EPC2: variants seen among roughly 807,000 people sequenced by gnomAD.
EPC2 encodes the protein enhancer of polycomb 2, also known as enhancer of polycomb homolog 2.
In EPC2, 14 loss-of-function variants were observed where a neutral mutation model predicts 92.1. That is an observed-to-expected ratio of 0.15 (90% CI 0.10 to 0.24). The LOEUF is 0.24. Among genes scored for constraint, EPC2 ranks in the 10% least tolerant of loss-of-function variants. The pLI is 1.00. For missense variants in EPC2, 755 were observed against 971.5 expected, an observed-to-expected ratio of 0.78 and a Z score of 2.96; for synonymous variants, 340 against 334.7, an observed-to-expected ratio of 1.02 and a Z score of -0.17.
chr2:148,725,551 A>G (rs1321732911), intron 2 of EPC2, among the ~76,000 whole-genome samples: 1 of 152,152 alleles, frequency 6.6e-6, no homozygotes, highest in African/African-American at 2.4e-5. Flanking sequence ...TCATTGATAC[A>G]ATACAGTAAT....
chr2:148,689,390 G>A (rs958159540), intron 1 of EPC2, among the ~76,000 whole-genome samples: 12 of 152,094 alleles, frequency 7.9e-5, no homozygotes, highest in African/African-American at 2.7e-4. Context: ...GTGTTAGCCA[G>A]GATGGTTTCG....
rs1253448077 is a variant in EPC2, at chr2:148,765,226, G to C, written c.1140+80G>C. 13 of 1,048,926 alleles carry C rather than the reference G, an allele frequency of 1.2e-5. No individual in the cohort carries two copies. The Admixed American group carries it at 3.5e-4, about 29-fold the overall frequency. The allele number at this position is 1,048,926 out of a possible 1,614,324, so 65.0% of individuals were successfully genotyped here. A position where few individuals can be genotyped will look rare whatever the true frequency, so the allele number is the denominator to read the frequency against. On this transcript the variant is annotated intron_variant, in intron 7 of 13. Coordinates refer to ENST00000258484, the MANE Select transcript of EPC2 (RefSeq NM_015630.4). ...TATTTTTAAAACAATTGCTATCTTAGAGTTTTTATTCTTGCTTTGTTCCCC... is the reference window on the plus strand; with the variant it reads ...TATTTTTAAAACAATTGCTATCTTACAGTTTTTATTCTTGCTTTGTTCCCC...
chr2:148,720,598 C>G (rs971745165), intron 2 of EPC2, among the ~76,000 whole-genome samples: 1 of 152,184 alleles, frequency 6.6e-6, no homozygotes, highest in South Asian at 2.1e-4. Flanking sequence ...CACGCAGCTC[C>G]GTGTGTTGGC....
intron 1 of EPC2, among the ~76,000 whole-genome samples, chr2:148,681,132 T>C (rs1279765223): frequency 6.6e-6 from 1 of 152,224 alleles, no homozygotes; most frequent in Non-Finnish European, 1.5e-5. Flanking sequence ...ACAGACACAT[T>C]GTCTTGCCCC....
chr2:148,720,080 C>G (rs1379327965), intron 2 of EPC2, among the ~76,000 whole-genome samples: 1 of 152,140 alleles, frequency 6.6e-6, no homozygotes, highest in Non-Finnish European at 1.5e-5. Context: ...CCTCCCCTCT[C>G]CTGGACACTT....
intron 4 of EPC2, among the ~76,000 whole-genome samples, chr2:148,756,164 A>T (rs1683186176): frequency 6.6e-6 from 1 of 152,156 alleles, no homozygotes; most frequent in African/African-American, 2.4e-5. Context: ...TGTGATCACT[A>T]ATACAGGTTT....
At chr2:148,784,182 CT>C (rs1683814075) in intron 12 of EPC2, among the ~76,000 whole-genome samples, 1 of 152,244 alleles carries the variant, frequency 6.6e-6, no homozygotes, top group Admixed American at 6.5e-5. Context: ...GGCTCCCGCT[CT>C]TTAGATAGAG....
chr2:148,691,747 G>A (rs1365678735), intron 2 of EPC2: 1 of 955,006 alleles, frequency 1.0e-6, no homozygotes, highest in Admixed American at 2.0e-5. Flanking sequence ...TCAGTTCTCA[G>A]GAAGATTTTT....
intron 2 of EPC2, among the ~76,000 whole-genome samples, chr2:148,742,387 A>G (rs868158677): frequency 5.9e-5 from 9 of 152,104 alleles, no homozygotes; most frequent in South Asian, 2.1e-4. Flanking sequence ...AGTGAAACCT[A>G]TTGTCTTATT....
intron 10 of EPC2, among the ~76,000 whole-genome samples, chr2:148,776,856 C>CTCTCTCTTTTTTTTTTTTTT (rs1247135854): frequency 9.9e-6 from 1 of 101,042 alleles, no homozygotes; most frequent in African/African-American, 3.7e-5. Flanking sequence ...GTCTCTCTCT[C>CTCTCTCTTTTTTTTTTTTTT]TTTTTTTTTT....
At chr2:148,745,540 C>G (rs1682970634) in intron 3 of EPC2, among the ~76,000 whole-genome samples, 1 of 152,050 alleles carries the variant, frequency 6.6e-6, no homozygotes, top group Admixed American at 6.6e-5. Flanking sequence ...TCAGCCCCAT[C>G]CTATTTTAGT....
chr2:148,659,239 T>C (rs1680886171), intron 1 of EPC2, among the ~76,000 whole-genome samples: 1 of 152,160 alleles, frequency 6.6e-6, no homozygotes, highest in Admixed American at 6.6e-5. Context: ...GGGTTTGTTT[T>C]GTTTTGTTAC....
intron 2 of EPC2, among the ~76,000 whole-genome samples, chr2:148,698,865 G>GT (rs1333094015): frequency 6.9e-6 from 1 of 145,276 alleles, no homozygotes; most frequent in Admixed American, 6.9e-5. Context: ...TATACTCTGT[G>GT]TATGTGTGTA....
chr2:148,654,620 T>G (rs1433361586), intron 1 of EPC2, among the ~76,000 whole-genome samples: 1 of 152,182 alleles, frequency 6.6e-6, no homozygotes, highest in Non-Finnish European at 1.5e-5. Context: ...ATAGCGCCAC[T>G]GCACGCCAGC....
At chr2:148,695,492 A>G (rs1681728683) in intron 2 of EPC2, among the ~76,000 whole-genome samples, 1 of 152,254 alleles carries the variant, frequency 6.6e-6, no homozygotes, top group Non-Finnish European at 1.5e-5. Flanking sequence ...ACTTACCAAC[A>G]TAAAGTGGAC....
intron 10 of EPC2, among the ~76,000 whole-genome samples, chr2:148,780,371 C>A (rs1683722931): frequency 6.6e-6 from 1 of 152,044 alleles, no homozygotes; most frequent in Non-Finnish European, 1.5e-5. Flanking sequence ...AGAAAATAGA[C>A]TGTACTAGGC....
chr2:148,747,940 T>C (rs1285374030), intron 3 of EPC2, among the ~76,000 whole-genome samples: 17 of 152,012 alleles, frequency 1.1e-4, no homozygotes, highest in Admixed American at 1.1e-3. Flanking sequence ...CCTCCCCCAG[T>C]TTTGCTCTCT....
intron 4 of EPC2, among the ~76,000 whole-genome samples, chr2:148,756,193 T>C (rs1476968791): frequency 2.6e-5 from 4 of 152,236 alleles, no homozygotes; most frequent in Non-Finnish European, 5.9e-5. Flanking sequence ...CTCTGATTCC[T>C]ACCCTTTCTC....
chr2:148,785,663 G>C (rs1446546894), intron 13 of EPC2, among the ~76,000 whole-genome samples: 1 of 152,088 alleles, frequency 6.6e-6, no homozygotes, highest in Non-Finnish European at 1.5e-5. Context: ...GATGGGAGTT[G>C]TTATGATTAA....
Sources: gnomAD v4.1 joint callset for allele counts (sites outside exome capture counted in the v4.1 genomes callset) on GRCh38, gnomAD v4.1.1 for gene constraint, MANE v1.5 for transcripts, NCBI Gene and HGNC (gene_info 2026-07-23, HGNC 2026-07-21) for gene names.